MAOB: variants seen among roughly 807,000 people sequenced by gnomAD.
MAOB encodes monoamine oxidase B.
Under a neutral mutation model 41.9 loss-of-function variants are expected in MAOB, and 15 were observed. The ratio of observed to expected loss-of-function variants is 0.36; its 90% CI spans 0.24 to 0.55. The LOEUF (loss-of-function observed/expected upper bound fraction) is 0.55. MAOB is among the 20% of genes least tolerant of loss of function. MAOB has a pLI of 0.86. For missense variants in MAOB, 345 were observed against 398.7 expected (o/e 0.87, Z 1.15); for synonymous variants, 167 against 144.2 (o/e 1.16, Z -1.13).
intron 5 of MAOB, among the ~76,000 whole-genome samples, chrX:43,801,774 T>A (rs1396663667): frequency 8.8e-6 from 1 of 113,225 alleles, no homozygotes; most frequent in Admixed American, 9.3e-5. Context: ...TTGCACTACT[T>A]CACACAAGGT....
intron 1 of MAOB, among the ~76,000 whole-genome samples, chrX:43,844,241 C>G (rs1316196040): frequency 9.0e-6 from 1 of 111,437 alleles, no homozygotes; most frequent in Non-Finnish European, 1.9e-5. Flanking sequence ...CGTAAAGTTT[C>G]AAAATCAAGG....
At chrX:43,818,110 A>G (rs1349126256) in intron 3 of MAOB, among the ~76,000 whole-genome samples, 1 of 112,335 alleles carries the variant, frequency 8.9e-6, no homozygotes. Context: ...TCATATAAAC[A>G]AAGTCATACA....
rs1278882132 is a variant in MAOB at position 43,817,079 on chromosome X, CTCT to C, written c.280-13678_280-13676del. 8.2e-5 allele frequency among the ~76,000 whole-genome samples: 9 copies of C among 109,448 alleles called. No homozygotes were observed. In the South Asian group the frequency reaches 1.6e-3, roughly 20 times the overall value. ...CCTCCTCCTCCTTTTCTCTCTCTCT[CTCT>C]TCTTCTTCTTTTCTCTTTTCTTCTT... On this transcript the variant is annotated intron_variant, in intron 3 of 14. Transcript: ENST00000378069.
At chrX:43,779,994 C>T (rs905462021) in intron 10 of MAOB, among the ~76,000 whole-genome samples, 12 of 111,595 alleles carry the variant, frequency 1.1e-4, no homozygotes, top group African/African-American at 3.6e-4. Context: ...TGGTTTATCT[C>T]CTTCACAAGC....
intron 2 of MAOB, among the ~76,000 whole-genome samples, chrX:43,840,899 T>G (rs2035128647): frequency 9.3e-6 from 1 of 107,049 alleles, no homozygotes; most frequent in Non-Finnish European, 1.9e-5. Flanking sequence ...AGGAGTTTTT[T>G]TTTTTTTTTT....
intron 1 of MAOB, 152 bp downstream of exon 1, chrX:43,882,102 G>C (rs1290922635): frequency 2.1e-6 from 2 of 973,768 alleles, no homozygotes; most frequent in African/African-American, 2.0e-5. Context: ...TTCAGTGCAC[G>C]GCGCTCTGGA....
chrX:43,861,435 T>C (rs1318491795), intron 1 of MAOB, among the ~76,000 whole-genome samples: 1 of 112,694 alleles, frequency 8.9e-6, no homozygotes, highest in Non-Finnish European at 1.9e-5. Flanking sequence ...CAAATGTTTC[T>C]TTAACTACAA....
intron 1 of MAOB, among the ~76,000 whole-genome samples, chrX:43,867,086 A>C (rs2035369844): frequency 8.9e-6 from 1 of 112,537 alleles, no homozygotes; most frequent in Non-Finnish European, 1.9e-5. Flanking sequence ...GCAGGCAAAA[A>C]CTTGCATCAG....
At chrX:43,807,478 T>C (rs762419588) in intron 3 of MAOB, among the ~76,000 whole-genome samples, 1 of 112,453 alleles carries the variant, frequency 8.9e-6, no homozygotes, top group East Asian at 2.8e-4. Context: ...ACTGCACCAG[T>C]TTCATGCATT....
At chrX:43,777,098 G>A (rs944202865) in intron 11 of MAOB, among the ~76,000 whole-genome samples, 1 of 111,174 alleles carries the variant, frequency 9.0e-6, no homozygotes, top group Admixed American at 9.6e-5. Context: ...TACACTGTTG[G>A]TGGGACTGTA....
In MAOB at chrX:43,838,921, C is replaced by G; in HGVS notation, c.226G>C (p.Gly76Arg). 1 of 1,206,457 alleles carries G rather than the reference C, an allele frequency of 8.3e-7. No homozygotes were observed. The highest frequency in any genetic ancestry group is 1.1e-6 in the Non-Finnish European group (1 of 892,451). ...TCATTCACTTTGTAGGTCTCCAATC[C>G]TAGCTCCTTGGCTAATCTCAAGATA... The part of the protein sequence containing the change: ...NRILRLAKEL[G>R]LETYKVNEVE... Residue 76 changes from glycine to arginine, a missense_variant, in exon 3 of 15, where the codon GGA becomes CGA. By Grantham distance (125) the Gly-to-Arg change is moderately radical (BLOSUM62 -2). Transcript: ENST00000378069.
At chrX:43,787,614 TC>T (rs2034416532) in intron 8 of MAOB, among the ~76,000 whole-genome samples, 1 of 111,210 alleles carries the variant, frequency 9.0e-6, no homozygotes, top group African/African-American at 3.3e-5. Flanking sequence ...ATATAATTTT[TC>T]AGAGGTACTT....
intron 8 of MAOB, among the ~76,000 whole-genome samples, chrX:43,791,752 G>A (rs967643148): frequency 7.0e-4 from 75 of 106,552 alleles, no homozygotes; most frequent in African/African-American, 1.6e-3. Context: ...GCGAGACTCC[G>A]TCTCAAAAAA....
At chrX:43,841,555 C>A (rs1490145849) in intron 2 of MAOB, among the ~76,000 whole-genome samples, 3 of 111,842 alleles carry the variant, frequency 2.7e-5, no homozygotes, top group Non-Finnish European at 5.6e-5. Flanking sequence ...ACAGAAAAAA[C>A]AATCCTTAAA....
intron 8 of MAOB, among the ~76,000 whole-genome samples, chrX:43,791,306 C>G (rs145828763): frequency 7.1e-4 from 79 of 111,284 alleles, no homozygotes; most frequent in Non-Finnish European, 1.2e-3. Context: ...TTTCTGCAGT[C>G]TTGCTCCTCC....
At chrX:43,832,313 T>C (rs189763170) in intron 3 of MAOB, among the ~76,000 whole-genome samples, 1 of 112,591 alleles carries the variant, frequency 8.9e-6, no homozygotes, top group Non-Finnish European at 1.9e-5. Flanking sequence ...TAAGAGAAAC[T>C]GTTAGAATGT....
chrX:43,876,849 T>C (rs1278834874), intron 1 of MAOB, among the ~76,000 whole-genome samples: 2 of 111,485 alleles, frequency 1.8e-5, no homozygotes, highest in African/African-American at 3.3e-5. Flanking sequence ...CATGCACGCG[T>C]GTGTGTGTGT....
chrX:43,861,856 CGTGTGT>C (rs112289658), intron 1 of MAOB, among the ~76,000 whole-genome samples: 28 of 103,176 alleles, frequency 2.7e-4, no homozygotes, highest in Admixed American at 8.4e-4. Context: ...CCAGCTGAAA[CGTGTGT>C]GTGTGTGTGT....
chrX:43,836,880 A>C (rs2035077910), intron 3 of MAOB, among the ~76,000 whole-genome samples: 1 of 112,600 alleles, frequency 8.9e-6, no homozygotes, highest in South Asian at 3.6e-4. Flanking sequence ...GTATTTTCCT[A>C]ACTGCACATA....
Sources: gnomAD v4.1 joint callset for allele counts (sites outside exome capture counted in the v4.1 genomes callset) on GRCh38, gnomAD v4.1.1 for gene constraint, MANE v1.5 for transcripts, NCBI Gene and HGNC (gene_info 2026-07-23, HGNC 2026-07-21) for gene names.